Variants in ERC2 observed in about 807,000 individuals in gnomAD.
ERC2 encodes the protein ELKS/RAB6-interacting/CAST family member 2, also known as ERC protein 2.
A neutral mutation model predicts 114.8 loss-of-function variants in ERC2; 42 were observed. The ratio of observed to expected loss-of-function variants is 0.37; its 90% confidence interval spans 0.29 to 0.47. ERC2 has a LOEUF of 0.47. ERC2 is among the 20% of genes least tolerant of loss of function. ERC2 has a pLI of 0.99. For synonymous variants in ERC2, 454 were observed against 425.5 expected (o/e 1.07, Z -0.82); for missense variants, 939 against 1,150.7 (o/e 0.82, Z 2.66).
At chr3:56,254,061 T>C (rs1347500519) in intron 3 of ERC2, among the ~76,000 whole-genome samples, 3 of 152,232 alleles carry the variant, frequency 2.0e-5, no homozygotes, top group African/African-American at 7.2e-5. Flanking sequence ...GACTAAAGTA[T>C]TGTCAGTTAG....
At chr3:55,995,924 C>T (rs1038787568) in intron 10 of ERC2, among the ~76,000 whole-genome samples, 1 of 152,182 alleles carries the variant, frequency 6.6e-6, no homozygotes, top group African/African-American at 2.4e-5. Context: ...GAAATAAGCA[C>T]TTTATTTGTA....
intron 8 of ERC2, 105 bp downstream of exon 8, chr3:56,018,789 G>C: frequency 7.7e-7 from 1 of 1,291,566 alleles, no homozygotes; most frequent in Non-Finnish European, 1.1e-6. Context: ...TAAAGGTAGT[G>C]TTAGCAAAAG....
chr3:55,822,874 A>G (rs1039301229), intron 14 of ERC2, among the ~76,000 whole-genome samples: 1 of 152,104 alleles, frequency 6.6e-6, no homozygotes. Context: ...CGGCCTCCCA[A>G]AGTGCTGTGA....
At chr3:56,276,474 A>AAAAAAAAAAAAAAAAAC (rs1446116012) in intron 3 of ERC2, among the ~76,000 whole-genome samples, 3 of 147,000 alleles carry the variant, frequency 2.0e-5, no homozygotes, top group Admixed American at 6.7e-5. Context: ...AAAAAAAAAA[A>AAAAAAAAAAAAAAAAAC]AAACAAACTC....
At chr3:56,220,192 C>T (rs920894172) in intron 3 of ERC2, among the ~76,000 whole-genome samples, 2 of 152,156 alleles carry the variant, frequency 1.3e-5, no homozygotes, top group African/African-American at 4.8e-5. Context: ...GCAGCACACA[C>T]AGGGACTTCT....
chr3:55,748,078 C>T (rs750462257), intron 14 of ERC2, among the ~76,000 whole-genome samples: 31 of 152,140 alleles, frequency 2.0e-4, no homozygotes, highest in Admixed American at 5.2e-4. Flanking sequence ...TGGAAAGAAT[C>T]GCAAGGGAGC....
At chr3:56,409,288 A>T (rs1411427095) in intron 2 of ERC2, among the ~76,000 whole-genome samples, 1 of 152,084 alleles carries the variant, frequency 6.6e-6, no homozygotes, top group Non-Finnish European at 1.5e-5. Flanking sequence ...TTTTATATTT[A>T]AAAAAATATA....
chr3:55,758,841 C>G (rs1346118168), intron 14 of ERC2, among the ~76,000 whole-genome samples: 1 of 152,178 alleles, frequency 6.6e-6, no homozygotes, highest in African/African-American at 2.4e-5. Context: ...GGATCAAATA[C>G]AGTCTTCAGT....
chr3:56,018,472 A>C (rs887304567), intron 8 of ERC2, among the ~76,000 whole-genome samples: 4 of 152,124 alleles, frequency 2.6e-5, no homozygotes, highest in African/African-American at 9.7e-5. Flanking sequence ...GAAGCCCCAC[A>C]TAACTAGGGA....
At chr3:56,467,577 C>CT (rs1328837953) in intron 1 of ERC2, among the ~76,000 whole-genome samples, 1 of 151,952 alleles carries the variant, frequency 6.6e-6, no homozygotes, top group Non-Finnish European at 1.5e-5. Context: ...TTAGGTACAC[C>CT]TTCGTAAGTA....
At chr3:56,047,847 T>C (rs1449204294) in intron 7 of ERC2, among the ~76,000 whole-genome samples, 1 of 152,158 alleles carries the variant, frequency 6.6e-6, no homozygotes, top group Non-Finnish European at 1.5e-5. Flanking sequence ...AAGGGGCAAG[T>C]GGCTAATTAT....
At chr3:56,463,763 G>A (rs1335278155) in intron 1 of ERC2, among the ~76,000 whole-genome samples, 1 of 152,102 alleles carries the variant, frequency 6.6e-6, no homozygotes, top group Non-Finnish European at 1.5e-5. Flanking sequence ...GGTATCCATT[G>A]CTCTATCTGC....
At chr3:55,636,172 A>G (rs1287500222) in intron 17 of ERC2, among the ~76,000 whole-genome samples, 1 of 152,198 alleles carries the variant, frequency 6.6e-6, no homozygotes, top group East Asian at 1.9e-4. Context: ...CACTGCACCC[A>G]GCCTCCATCA....
At chr3:56,368,179 T>C (rs2059224884) in intron 2 of ERC2, among the ~76,000 whole-genome samples, 2 of 134,566 alleles carry the variant, frequency 1.5e-5, no homozygotes, top group African/African-American at 2.7e-5. Context: ...ATTATTCTTT[T>C]TTTTTTAAAA....
At chr3:55,700,155 G>A (rs1019423502) in intron 15 of ERC2, among the ~76,000 whole-genome samples, 1 of 152,198 alleles carries the variant, frequency 6.6e-6, no homozygotes, top group Non-Finnish European at 1.5e-5. Flanking sequence ...TACAATCCAC[G>A]ATGCCTGTCA....
At chr3:55,687,372 A>G (rs1576136627) in intron 16 of ERC2, among the ~76,000 whole-genome samples, 1 of 46,318 alleles carries the variant, frequency 2.2e-5, no homozygotes, top group East Asian at 9.9e-4. Context: ...TGAGGCCACC[A>G]CCGGATTTTT....
intron 3 of ERC2, among the ~76,000 whole-genome samples, chr3:56,183,026 T>C (rs575795661): frequency 2.6e-5 from 4 of 152,296 alleles, no homozygotes; most frequent in Non-Finnish European, 5.9e-5. Context: ...CAAGCGTTTA[T>C]AAATAATAAC....
chr3:56,340,578 G>GTGTGTT (rs1381106973), intron 2 of ERC2, among the ~76,000 whole-genome samples: 3 of 150,770 alleles, frequency 2.0e-5, no homozygotes, highest in East Asian at 1.9e-4. Context: ...GTGTGTGTGT[G>GTGTGTT]TTTAATCTCA....
rs1164200068 is a variant in ERC2 at position 56,434,524 on chromosome 3, C to G, written c.484G>C (p.Asp162His). 6 of 1,613,878 alleles carry G rather than the reference C, an allele frequency of 3.7e-6. No homozygotes were observed. The highest frequency in any genetic ancestry group is 5.1e-6 in the Non-Finnish European group (6 of 1,179,898). Residue 162 changes from aspartate (D) to histidine (H), a missense_variant, in exon 2 of 18, where the codon GAC (aspartate) becomes CAC (histidine). Physicochemically the swap from Asp to His is moderately conservative, Grantham distance 81. Around this residue, in one of 5 missense-constraint regions of ERC2, gnomAD observed 281 missense variants for 307.4 expected, o/e 0.91. Transcript: ENST00000288221. ...AQLKELQREN[D>H]LLRKELDIKD... ...ATGTCTAGCTCTTTCCGGAGGAGGT[C>G]ATTCTCTCTCTGCAGTTCTTTCAGC...
Sources: allele counts gnomAD v4.1 joint callset (sites outside exome capture counted in the v4.1 genomes callset), GRCh38; gene constraint gnomAD v4.1.1; regional missense constraint gnomAD v4.1.1; transcripts MANE v1.5; gene names NCBI Gene and HGNC (gene_info 2026-07-23, HGNC 2026-07-21).